The following CFAP74 variants were observed in gnomAD, a reference collection of about 807,000 sequenced individuals.
The protein encoded by CFAP74 is cilia- and flagella-associated protein 74.
A neutral mutation model predicts 188.9 loss-of-function variants in CFAP74; 124 were observed. That is an observed-to-expected ratio of 0.66 (90% confidence interval 0.57 to 0.76). The LOEUF (loss-of-function observed/expected upper bound fraction) is 0.76, where lower values mean the gene tolerates loss of function less well. CFAP74 is among the 30% of genes least tolerant of loss of function. The pLI is 0.00. For synonymous variants in CFAP74, 956 were observed against 916.7 expected, an observed-to-expected ratio of 1.04 and a Z score of -0.77; for missense variants, 2,198 against 2,165.2, an observed-to-expected ratio of 1.02 and a Z score of -0.30.
Position 1,955,449 on chromosome 1 carries a change from C to T in CFAP74, c.2176+242G>A, listed in dbSNP as rs3795288. The stretch of plus-strand genomic sequence containing the variant: ...TCCGCCCGTGCTGGGCCTGCTGGGC[C>T]AATGCTGGAGGTGCCTTCAAGTCTT... On this transcript the variant is annotated intron_variant, in intron 18 of 38. Transcript: ENST00000682832. 1.6e-3 allele frequency: 2,420 copies of T among 1,539,680 alleles called. 89 individuals carry two copies. In the East Asian group the frequency reaches 0.05, roughly 32 times the overall value.
intron 16 of CFAP74, among the ~76,000 whole-genome samples, chr1:1,957,209 G>A (rs1654705019): frequency 6.6e-6 from 1 of 152,212 alleles, no homozygotes; most frequent in Non-Finnish European, 1.5e-5. Context: ...GCCTCACCAT[G>A]CCCGCTGTGG....
intron 9 of CFAP74, among the ~76,000 whole-genome samples, chr1:1,971,697 CATGTGT>C (rs1443571328): frequency 6.6e-6 from 1 of 152,254 alleles, no homozygotes; most frequent in Non-Finnish European, 1.5e-5. Flanking sequence ...CCAGGCCCTC[CATGTGT>C]CTCATGAGGA....
In CFAP74 at chr1:1,922,307, G is replaced by A. The variant is rs1257588121; in HGVS notation, c.4900C>T (p.Gln1634Ter). Residue 1634 changes from glutamine to a stop codon, truncating the protein, a stop_gained, in exon 39 of 39, where the codon CAG (glutamine) becomes TAG (stop). Coordinates refer to ENST00000682832, the MANE Select transcript of CFAP74 (RefSeq NM_001304360.2). LOFTEE classifies it high-confidence loss of function. ...KETYKVIFVA[Q>*]VLTGP ...GAGGCTTAGGGGCCAGTCAACACCT[G>A]GGCTACAAAGATGACCTTGTAGGTC... 6.2e-7 allele frequency: 1 copy of A among 1,607,614 alleles called. No individual in the cohort carries two copies. Among genetic ancestry groups the A allele is most frequent in the Admixed American group, 1.7e-5 (1 of 58,224 alleles).
intron 1 of CFAP74, among the ~76,000 whole-genome samples, chr1:1,999,145 C>T (rs951849445): frequency 1.3e-5 from 2 of 152,134 alleles, no homozygotes; most frequent in African/African-American, 4.8e-5. Flanking sequence ...GGAAGGGGTG[C>T]CCCACCAGAT....
intron 16 of CFAP74, 127 bp from the exon 17 acceptor site, chr1:1,956,911 C>A: frequency 1.1e-6 from 1 of 929,432 alleles, no homozygotes; most frequent in Admixed American, 2.5e-5. Context: ...ACTGCACAAG[C>A]AGGTACACGA....
chr1:1,959,930 C>A, intron 15 of CFAP74, 34 bp downstream of exon 15: 1 of 1,548,864 alleles, frequency 6.5e-7, no homozygotes, highest in Non-Finnish European at 8.7e-7. Flanking sequence ...ACCACCACCT[C>A]CCCTTCGAGA....
At chr1:1,996,228 G>A (rs866555719) in intron 1 of CFAP74, among the ~76,000 whole-genome samples, 3 of 152,062 alleles carry the variant, frequency 2.0e-5, no homozygotes, top group African/African-American at 4.8e-5. Context: ...CGGGTAATCC[G>A]CCCGCCTCAG....
At position 1,926,270 on chromosome 1, in the gene CFAP74, G is replaced by A. The variant is rs2102030555; in HGVS notation, c.3906C>T (p.Thr1302=). 5.9e-6 allele frequency: 9 copies of A among 1,538,250 alleles called. No homozygotes were observed. Among genetic ancestry groups the A allele is most frequent in the Non-Finnish European group, 7.9e-6 (9 of 1,139,906 alleles). Residue 1302 remains threonine, a synonymous_variant, in exon 32 of 39, where the codon ACC becomes ACT. Transcript: ENST00000682832. ...GAGAGAAGGAAAGCACCAGGACCTG[G>A]GTCCCACCTGCACGCAGCAGGCTGG... ...NHSSLLRAGG[T]QVLVLSFSPH...
Position 1,973,926 on chromosome 1 carries a change from T to G in CFAP74, c.674+99A>C. The G allele has an allele frequency of 8.4e-7, 1 of 1,191,622 alleles. No homozygotes were observed. The highest frequency in any genetic ancestry group is 1.1e-6 in the Non-Finnish European group (1 of 875,384). The allele number at this position is 1,191,622 out of a possible 1,614,324, so 73.8% of individuals were successfully genotyped here. On this transcript the variant is annotated intron_variant, in intron 7 of 38. Coordinates refer to ENST00000682832, the MANE Select transcript of CFAP74 (RefSeq NM_001304360.2). This position sits in a 1 kb window ranked among gnomAD's most constrained non-coding sequence, Gnocchi z 6.2. ...GGGTGGAGGTGGATCTGGACAGATG[T>G]GGAGGGCGAGGCTGAATCTGGAGAC...
chr1:1,991,196 C>T (rs1319320515), intron 1 of CFAP74, among the ~76,000 whole-genome samples: 1 of 152,190 alleles, frequency 6.6e-6, no homozygotes, highest in Non-Finnish European at 1.5e-5. Context: ...GTCAAAGAGG[C>T]CGGGCGCGGT....
At position 1,968,146 on chromosome 1, in the gene CFAP74, AGAAT is replaced by A. The variant is rs2102073583; in HGVS notation, c.1245+485_1245+488del. On this transcript the variant is annotated intron_variant, in intron 11 of 38. Transcript: ENST00000682832. This position sits in a 1 kb window ranked among gnomAD's most constrained non-coding sequence, Gnocchi z 4.3. ...AATGAGTGAGTGAATGAATGAAGAAAGAATGAGTGAGTGAACGAATAAAGGATGA... is the reference window on the plus strand; with the variant it reads ...AATGAGTGAGTGAATGAATGAAGAAAGAGTGAGTGAACGAATAAAGGATGA... Among the ~76,000 whole-genome samples the A allele has an allele frequency of 6.6e-6, 1 of 152,244 alleles. No individual in the cohort carries two copies. Among genetic ancestry groups the A allele is most frequent in the South Asian group, 2.1e-4 (1 of 4,822 alleles).
rs756510876 is a variant in CFAP74, at chr1:1,944,460, T to C, written c.2365-8A>G. Reference sequence around the variant, plus strand: ...CACGACCCTGAAATGCAGCTGCATATGGACACAGGAGCTCAGCAACAGGAG... The same window carrying C: ...CACGACCCTGAAATGCAGCTGCATACGGACACAGGAGCTCAGCAACAGGAG... On this transcript the variant is annotated splice_polypyrimidine_tract_variant and splice_region_variant and intron_variant, in intron 20 of 38. Coordinates refer to ENST00000682832, the MANE Select transcript of CFAP74 (RefSeq NM_001304360.2). The C allele has an allele frequency of 9.1e-5, 139 of 1,535,684 alleles. 2 individuals carry two copies. In the South Asian group the frequency reaches 1.5e-3, roughly 17 times the overall value.
intron 1 of CFAP74, among the ~76,000 whole-genome samples, chr1:1,998,332 T>C (rs1658019949): frequency 6.6e-6 from 1 of 152,208 alleles, no homozygotes; most frequent in Middle Eastern, 3.4e-3. Context: ...TTTGTGGTTA[T>C]GCTAAAAATG....
At chr1:1,959,547 T>C (rs1008138051) in intron 15 of CFAP74, among the ~76,000 whole-genome samples, 1 of 152,212 alleles carries the variant, frequency 6.6e-6, no homozygotes, top group Non-Finnish European at 1.5e-5. Flanking sequence ...ATTACAGGCA[T>C]AAGCCACCAC....
At chr1:1,925,974 T>C in intron 32 of CFAP74, 36 bp from the exon 33 acceptor site, 1 of 1,548,236 alleles carries the variant, frequency 6.5e-7, no homozygotes, top group East Asian at 2.4e-5. Flanking sequence ...GGAACCGATG[T>C]CTGCTGGAGC....
At chr1:1,959,674 C>G (rs1381998177) in intron 15 of CFAP74, among the ~76,000 whole-genome samples, 1 of 152,172 alleles carries the variant, frequency 6.6e-6, no homozygotes, top group Non-Finnish European at 1.5e-5. Context: ...GAGGGCATCT[C>G]AGGAGGGCTG....
chr1:1,956,511 TCCCAG>T (rs1313095870), intron 17 of CFAP74, 104 bp downstream of exon 17: 2 of 1,372,952 alleles, frequency 1.5e-6, no homozygotes, highest in African/African-American at 2.8e-5. Flanking sequence ...GCCCTCCTTC[TCCCAG>T]GCCCACTGTT....
chr1:1,997,741 A>G (rs1055430295), intron 1 of CFAP74, among the ~76,000 whole-genome samples: 1 of 152,226 alleles, frequency 6.6e-6, no homozygotes, highest in African/African-American at 2.4e-5. Flanking sequence ...CCCCTCGGGC[A>G]GCATGAAAGG....
At chr1:1,995,735 C>CCGTCTCTA (rs765339554) in intron 1 of CFAP74, among the ~76,000 whole-genome samples, 32 of 151,572 alleles carry the variant, frequency 2.1e-4, no homozygotes, top group Admixed American at 1.2e-3. Flanking sequence ...CGGTGAAACC[C>CCGTCTCTA]CGTCTCTACT....
Sources: allele counts gnomAD v4.1 joint callset (sites outside exome capture counted in the v4.1 genomes callset), GRCh38; gene constraint gnomAD v4.1.1; non-coding constraint Gnocchi (gnomAD v3.1); transcripts MANE v1.5; gene names NCBI Gene and HGNC (gene_info 2026-07-23, HGNC 2026-07-21).